ABCA8: variants seen among roughly 807,000 people sequenced by gnomAD.
ABCA8 encodes ABC-type organic anion transporter ABCA8.
Under a neutral mutation model 192.3 loss-of-function variants are expected in ABCA8, and 177 were observed. That is an observed-to-expected ratio of 0.92 (90% CI 0.81 to 1.04). The LOEUF (loss-of-function observed/expected upper bound fraction) is 1.04. Among genes scored for constraint, ABCA8 ranks in the 50% least tolerant of loss-of-function variants. The pLI is 0.00. For synonymous variants in ABCA8, 642 were observed against 690.2 expected, an observed-to-expected ratio of 0.93 and a Z score of 1.09; for missense variants, 1,915 against 1,904.8, an observed-to-expected ratio of 1.01 and a Z score of -0.10.
In ABCA8 at chr17:68,882,663, T is replaced by C. The variant is rs781674094; in HGVS notation, c.3764A>G (p.Asp1255Gly). The change falls in exon 30 of 40, where the codon GAT becomes GGT. Residue 1255 changes from aspartate (D) to glycine (G), a missense_variant. Transcript: ENST00000586539. Reference protein sequence around the residue: ...CQNPEEPEGEDEDVQMERVRT... With the variant: ...CQNPEEPEGEGEDVQMERVRT... ...CACTCTTTCCATCTGAACATCTTCA[T>C]CCTCTCCTTCTGGTTCTTCTGGATT... 6.2e-7 allele frequency: 1 copy of C among 1,613,102 alleles called. No individual in the cohort carries two copies. The highest frequency in any genetic ancestry group is 1.1e-5 in the South Asian group (1 of 91,044).
chr17:68,933,576 C>T (rs1241567241), intron 5 of ABCA8, among the ~76,000 whole-genome samples: 1 of 152,126 alleles, frequency 6.6e-6, no homozygotes, highest in Non-Finnish European at 1.5e-5. Flanking sequence ...CTTCTCTTTT[C>T]TGATTTGTAT....
At position 68,907,783 on chromosome 17, in the gene ABCA8, T is replaced by G; in HGVS notation, c.2235A>C (p.Lys745Asn). 2 of 1,608,862 alleles carry G rather than the reference T, an allele frequency of 1.2e-6. No homozygotes were observed. The highest frequency in any genetic ancestry group is 1.7e-6 in the Non-Finnish European group (2 of 1,177,834). ...TTTCTAAGGGTAATGTATAAATAAG[T>G]TTTCCTTCGCTTTTGGCTGATAATT... ...DAKLSAKSEG[K>N]LIYTLPLERT... The change falls in exon 18 of 40, where the codon AAA (lysine) becomes AAC (asparagine). Residue 745 changes from lysine (K) to asparagine (N), a missense_variant. Coordinates refer to ENST00000586539, the MANE Select transcript of ABCA8 (RefSeq NM_001288985.2).
chr17:68,919,347 A>G lies in ABCA8; in HGVS notation c.1742T>C (p.Leu581Pro). 6.2e-7 allele frequency: 1 copy of G among 1,613,682 alleles called. No homozygotes were observed. Among genetic ancestry groups the G allele is most frequent in the Non-Finnish European group, 8.5e-7 (1 of 1,179,814 alleles). ...CAGAATCCCTTTTATTTTAGCAAAG[A>G]GTCTGAGGTTTTCTCTTACAGTGAG... ...DFLTVRENLR[L>P]FAKIKGILPQ... Residue 581 changes from leucine to proline, a missense_variant, in exon 14 of 40, where the codon CTC becomes CCC. Leu to Pro is a moderately conservative substitution (Grantham distance 98). Coordinates refer to ENST00000586539, the MANE Select transcript of ABCA8 (RefSeq NM_001288985.2).
intron 14 of ABCA8, among the ~76,000 whole-genome samples, chr17:68,918,846 C>T (rs966570836): frequency 2.7e-5 from 4 of 147,392 alleles, no homozygotes; most frequent in African/African-American, 1.0e-4. Context: ...AGGAGAATCG[C>T]TTGAACCTGG....
intron 26 of ABCA8, chr17:68,886,809 C>A: frequency 3.3e-6 from 1 of 301,242 alleles, no homozygotes; most frequent in Non-Finnish European, 6.1e-6. Flanking sequence ...CTAATTTAGA[C>A]AAAAGAAGAG....
chr17:68,902,641 CT>C, intron 21 of ABCA8, 71 bp downstream of exon 21: 1 of 1,268,226 alleles, frequency 7.9e-7, no homozygotes, highest in South Asian at 2.1e-5. Flanking sequence ...TATTTTCTTT[CT>C]CATGGTTATG....
chr17:68,887,903 T>TATATATATAC (rs2066515192), intron 24 of ABCA8, among the ~76,000 whole-genome samples: 1 of 56,892 alleles, frequency 1.8e-5, no homozygotes, highest in Non-Finnish European at 2.8e-5. Flanking sequence ...TATATATATA[T>TATATATATAC]ATATCCATAT....
intron 37 of ABCA8, 23 bp downstream of exon 37, chr17:68,875,237 T>G: frequency 6.2e-7 from 1 of 1,612,578 alleles, no homozygotes; most frequent in Middle Eastern, 2.0e-4. Flanking sequence ...TGGTACCATT[T>G]CCAAAACAGC....
At chr17:68,927,220 T>C (rs1425700740) in intron 10 of ABCA8, among the ~76,000 whole-genome samples, 2 of 151,720 alleles carry the variant, frequency 1.3e-5, no homozygotes, top group African/African-American at 4.8e-5. Flanking sequence ...ATTGTGCCAC[T>C]GCACTCCAGC....
intron 7 of ABCA8, among the ~76,000 whole-genome samples, chr17:68,931,341 A>T (rs2067869400): frequency 6.6e-6 from 1 of 152,194 alleles, no homozygotes; most frequent in East Asian, 1.9e-4. Flanking sequence ...GGGATAAAGG[A>T]TTTTTATATT....
chr17:68,935,874 C>G (rs894716388), intron 5 of ABCA8, among the ~76,000 whole-genome samples: 2 of 152,012 alleles, frequency 1.3e-5, no homozygotes, highest in Admixed American at 6.6e-5. Context: ...AGACTTTTTA[C>G]TAATAGCCAT....
chr17:68,940,458 A>G (rs933647894), intron 4 of ABCA8, among the ~76,000 whole-genome samples: 2 of 152,148 alleles, frequency 1.3e-5, no homozygotes, highest in African/African-American at 4.8e-5. Context: ...ACTGCTCTAA[A>G]TGTGCACCAG....
intron 39 of ABCA8, 32 bp downstream of exon 39, chr17:68,868,269 A>G: frequency 9.9e-6 from 16 of 1,609,980 alleles, no homozygotes; most frequent in Non-Finnish European, 1.4e-5. Flanking sequence ...CACATATACC[A>G]TGGATGATAC....
At chr17:68,909,024 G>A (rs1167075866) in intron 17 of ABCA8, among the ~76,000 whole-genome samples, 1 of 152,138 alleles carries the variant, frequency 6.6e-6, no homozygotes, top group Non-Finnish European at 1.5e-5. Context: ...TATTTTTTTA[G>A]AAGTAGTGAA....
In ABCA8 at chr17:68,868,056, G is replaced by T. The variant is rs767645670; in HGVS notation, c.*29C>A. On this transcript the variant is annotated 3_prime_UTR_variant, in exon 40 of 40. Transcript: ENST00000586539. ...TAAATGTATTTAAAAAAAACCACGG[G>T]TTTAAACAGGAACACAGAATTTGGG... 1.3e-6 allele frequency: 2 copies of T among 1,527,414 alleles called. No individual in the cohort carries two copies. The highest frequency in any genetic ancestry group is 1.8e-6 in the Non-Finnish European group (2 of 1,124,280). 94.6% of individuals were successfully genotyped at this position (1,527,414 alleles called of 1,614,324 possible). A position where few individuals can be genotyped will look rare whatever the true frequency, so the allele number is the denominator to read the frequency against.
chr17:68,922,021 AT>A (rs1343736248), intron 12 of ABCA8, among the ~76,000 whole-genome samples: 6 of 151,868 alleles, frequency 4.0e-5, no homozygotes, highest in Admixed American at 2.6e-4. Flanking sequence ...AAACATATTC[AT>A]TTTTTTCTAA....
At chr17:68,925,014 T>A (rs781401804) in intron 10 of ABCA8, 145 bp from the exon 11 acceptor site, 3 of 682,988 alleles carry the variant, frequency 4.4e-6, no homozygotes, top group Non-Finnish European at 6.9e-6. Context: ...TTGACACATG[T>A]AGCTTCATAA....
At chr17:68,946,071 A>AATTG (rs1250315181) in intron 2 of ABCA8, among the ~76,000 whole-genome samples, 1 of 151,514 alleles carries the variant, frequency 6.6e-6, no homozygotes, top group Non-Finnish European at 1.5e-5. Flanking sequence ...TTAATTAATT[A>AATTG]ATTAATTAAT....
chr17:68,920,216 C>CA (rs774286058), intron 13 of ABCA8, among the ~76,000 whole-genome samples: 1 of 151,936 alleles, frequency 6.6e-6, no homozygotes. Context: ...CTTATGAACA[C>CA]AAAAAGGCAA....
Sources: allele counts gnomAD v4.1 joint callset (sites outside exome capture counted in the v4.1 genomes callset), GRCh38; gene constraint gnomAD v4.1.1; transcripts MANE v1.5; gene names NCBI Gene and HGNC (gene_info 2026-07-23, HGNC 2026-07-21).